The following RPF1 variants were observed in gnomAD, a reference collection of about 807,000 sequenced individuals.
RPF1 encodes ribosome production factor 1.
In RPF1, 34 loss-of-function variants were observed where a neutral mutation model predicts 41.9. That is an observed-to-expected ratio of 0.81 (90% CI 0.62 to 1.08). The LOEUF (loss-of-function observed/expected upper bound fraction) is 1.08. Ranked by LOEUF, RPF1 falls within the 50% of genes least tolerant of loss-of-function variation. The probability of loss-of-function intolerance (pLI) is 0.00; values close to 1 mark genes in which losing one functional copy is unlikely to be tolerated. For synonymous variants in RPF1, 140 were observed against 148.9 expected, an observed-to-expected ratio of 0.94 and a Z score of 0.43; for missense variants, 425 against 435.2, an observed-to-expected ratio of 0.98 and a Z score of 0.21.
Position 84,490,433 on chromosome 1 carries a change from A to G in RPF1, c.577A>G (p.Thr193Ala). 6.2e-7 allele frequency: 1 copy of G among 1,607,664 alleles called. No individual in the cohort carries two copies. Among genetic ancestry groups the G allele is most frequent in the Non-Finnish European group, 8.5e-7 (1 of 1,177,774 alleles). Residue 193 changes from threonine (T) to alanine (A), a missense_variant, in exon 5 of 9, where the codon ACA becomes GCA. Thr to Ala is a moderately conservative substitution (Grantham distance 58). Coordinates refer to ENST00000370654, the MANE Select transcript of RPF1 (RefSeq NM_025065.7). ...TCCACAGTGCATCGCAAGAGATTTC[A>G]CAGACCTGATTGTTATTAATGAAGA... is the stretch of plus-strand genomic sequence containing the variant. ...IIPQCIARDF[T>A]DLIVINEDRK...
rs375536693 is a variant in RPF1, at chr1:84,495,485, T to C, written c.699+30T>C. Reference sequence around the variant, plus strand: ...GTTTTATACATTTCTTTGATTGGCATTGATCTCTTCACAATATTTATTTGA... The same window carrying C: ...GTTTTATACATTTCTTTGATTGGCACTGATCTCTTCACAATATTTATTTGA... On this transcript the variant is annotated intron_variant, in intron 6 of 8. Coordinates refer to ENST00000370654, the MANE Select transcript of RPF1 (RefSeq NM_025065.7). 3.4e-5 allele frequency: 31 copies of C among 910,996 alleles called. No homozygotes were observed. The African/African-American group carries it at 4.7e-4, about 14-fold the overall frequency. The allele number at this position is 910,996 out of a possible 1,614,324, so 56.4% of individuals were successfully genotyped here. A position where few individuals can be genotyped will look rare whatever the true frequency, so the allele number is the denominator to read the frequency against.
chr1:84,492,295 T>C (rs952958575), intron 5 of RPF1, among the ~76,000 whole-genome samples: 4 of 152,154 alleles, frequency 2.6e-5, no homozygotes, highest in Non-Finnish European at 5.9e-5. Context: ...TCTAGGAACA[T>C]GGCGTCTTTC....
intron 5 of RPF1, 70 bp downstream of exon 5, chr1:84,490,542 A>G: frequency 9.3e-7 from 1 of 1,077,294 alleles, no homozygotes; most frequent in Non-Finnish European, 1.3e-6. Flanking sequence ...TATTTAAAAG[A>G]ATAAGGAAAT....
intron 3 of RPF1, among the ~76,000 whole-genome samples, chr1:84,488,095 G>A (rs1295907041): frequency 1.3e-5 from 2 of 151,902 alleles, no homozygotes; most frequent in Non-Finnish European, 2.9e-5. Flanking sequence ...TATCTATAAG[G>A]GCAAAATGCT....
chr1:84,494,324 C>G (rs74095423), intron 5 of RPF1, among the ~76,000 whole-genome samples: 256 of 152,278 alleles, frequency 1.7e-3, no homozygotes, highest in African/African-American at 5.9e-3. Flanking sequence ...GATACCATAG[C>G]TTCTAATCTG....
intron 5 of RPF1, 88 bp downstream of exon 5, chr1:84,490,560 A>AT: frequency 1.1e-6 from 1 of 917,074 alleles, no homozygotes; most frequent in Non-Finnish European, 1.6e-6. Context: ...AATATTGCCT[A>AT]TAACTTTCAG....
intron 8 of RPF1, 124 bp downstream of exon 8, chr1:84,496,494 C>A: frequency 1.3e-6 from 1 of 794,590 alleles, no homozygotes; most frequent in Non-Finnish European, 2.0e-6. Flanking sequence ...ATGAAATGAT[C>A]TGTGCAGCAA....
intron 5 of RPF1, among the ~76,000 whole-genome samples, chr1:84,490,731 A>G (rs888847828): frequency 6.6e-6 from 1 of 152,194 alleles, no homozygotes; most frequent in African/African-American, 2.4e-5. Context: ...CAACCAGGAA[A>G]TTCATAGGTG....
chr1:84,497,327 C>T, intron 8 of RPF1, 102 bp from the exon 9 acceptor site: 1 of 913,954 alleles, frequency 1.1e-6, no homozygotes, highest in Non-Finnish European at 1.7e-6. Flanking sequence ...ACTAGTGTTA[C>T]TTATGAAGAT....
intron 5 of RPF1, among the ~76,000 whole-genome samples, chr1:84,494,975 A>G (rs919492552): frequency 1.3e-5 from 2 of 152,224 alleles, no homozygotes; most frequent in East Asian, 1.9e-4. Flanking sequence ...GGGGTTATAC[A>G]TCTTTAGAAC....
chr1:84,492,821 T>C (rs142508734), intron 5 of RPF1, among the ~76,000 whole-genome samples: 129 of 152,314 alleles, frequency 8.5e-4, no homozygotes, highest in Non-Finnish European at 1.5e-3. Context: ...AACACCTCAG[T>C]CATACTGACA....
At chr1:84,496,102 T>C (rs1558547108) in intron 7 of RPF1, 39 bp downstream of exon 7, 3 of 1,508,730 alleles carry the variant, frequency 2.0e-6, no homozygotes, top group Non-Finnish European at 2.7e-6. Context: ...ATTTCAATTA[T>C]GAAATATATT....
At chr1:84,486,587 C>CAAAAAAAA (rs896267195) in intron 3 of RPF1, among the ~76,000 whole-genome samples, 11 of 64,506 alleles carry the variant, frequency 1.7e-4, no homozygotes, top group East Asian at 4.8e-4. Flanking sequence ...GACTCCGTCT[C>CAAAAAAAA]AAAAAAAAAA....
chr1:84,495,999 T>TCCTCAAG lies in RPF1; in HGVS notation c.817_818insCCTCAAG (p.Phe273SerfsTer30). 6.2e-7 allele frequency: 1 copy of TCCTCAAG among 1,612,472 alleles called. No individual in the cohort carries two copies. Among genetic ancestry groups the TCCTCAAG allele is most frequent in the Non-Finnish European group, 8.5e-7 (1 of 1,178,520 alleles). On this transcript the variant is annotated frameshift_variant, in exon 7 of 9. Coordinates refer to ENST00000370654, the MANE Select transcript of RPF1 (RefSeq NM_025065.7). LOFTEE classifies it high-confidence loss of function. ...ATCTCTCTTTCCTCATAATCCTCAA[T>TCCTCAAG]TTATCGGAAGGCAGGTTGCCACATT...
chr1:84,491,510 T>G (rs1043170065), intron 5 of RPF1, among the ~76,000 whole-genome samples: 2 of 152,230 alleles, frequency 1.3e-5, no homozygotes, highest in African/African-American at 4.8e-5. Context: ...TTCCAGAAAC[T>G]ACTATAACAA....
At chr1:84,481,403 G>T (rs1008104688) in intron 2 of RPF1, among the ~76,000 whole-genome samples, 1 of 152,220 alleles carries the variant, frequency 6.6e-6, no homozygotes, top group Non-Finnish European at 1.5e-5. Context: ...GAATGGGGAA[G>T]CTCCCCCAGG....
chr1:84,483,047 T>C (rs771857514), intron 3 of RPF1, 52 bp downstream of exon 3: 4 of 1,174,642 alleles, frequency 3.4e-6, no homozygotes, highest in Middle Eastern at 1.9e-4. Flanking sequence ...AATTGATAAA[T>C]TATATGTTTT....
intron 3 of RPF1, among the ~76,000 whole-genome samples, chr1:84,485,504 G>A (rs1019998766): frequency 5.3e-5 from 8 of 152,160 alleles, no homozygotes; most frequent in African/African-American, 1.2e-4. Context: ...CACTTGTGGC[G>A]CCATGTTGGT....
At chr1:84,479,756 T>A (rs1681609477) in intron 1 of RPF1, among the ~76,000 whole-genome samples, 1 of 152,200 alleles carries the variant, frequency 6.6e-6, no homozygotes, top group South Asian at 2.1e-4. Flanking sequence ...GACGCTAGAT[T>A]CACAAGGAAA....
Sources: allele counts gnomAD v4.1 joint callset (sites outside exome capture counted in the v4.1 genomes callset), GRCh38; gene constraint gnomAD v4.1.1; transcripts MANE v1.5; gene names NCBI Gene and HGNC (gene_info 2026-07-23, HGNC 2026-07-21).